The following LRP1B variants were observed in gnomAD, a reference collection of about 807,000 sequenced individuals.
LRP1B encodes LDL receptor related protein 1B, also known as low-density lipoprotein receptor-related protein 1B.
A neutral mutation model predicts 556.6 loss-of-function variants in LRP1B; 217 were observed. That is an observed-to-expected ratio of 0.39 (90% confidence interval 0.35 to 0.44). The LOEUF is 0.44. Among genes scored for constraint, LRP1B ranks in the 20% least tolerant of loss-of-function variants. LRP1B has a pLI of 1.00. For synonymous variants in LRP1B, 2,047 were observed against 1,865.8 expected (o/e 1.10, Z -2.50); for missense variants, 5,053 against 5,620.8 (o/e 0.90, Z 3.23).
chr2:140,756,847 T>C (rs1688757143), intron 35 of LRP1B, among the ~76,000 whole-genome samples: 1 of 152,064 alleles, frequency 6.6e-6, no homozygotes, highest in Admixed American at 6.6e-5. Context: ...AAAACTTTTG[T>C]GATTCAAAAG....
chr2:142,102,301 A>G (rs1286168743), intron 1 of LRP1B, among the ~76,000 whole-genome samples: 1 of 151,864 alleles, frequency 6.6e-6, no homozygotes, highest in Non-Finnish European at 1.5e-5. Context: ...AATGCCTGAA[A>G]ATGACACAGA....
At position 141,658,941 on chromosome 2, in the gene LRP1B, T is replaced by C. The variant is rs143129382; in HGVS notation, c.205+151338A>G. ...TTATTTTAGGCAGGGTCTCGCTCTGTTGCTCAGGCTGGAATGCAGCTGTGT... is the reference window on the plus strand; with the variant it reads ...TTATTTTAGGCAGGGTCTCGCTCTGCTGCTCAGGCTGGAATGCAGCTGTGT... On this transcript the variant is annotated intron_variant, in intron 2 of 90. Transcript: ENST00000389484. Among the ~76,000 whole-genome samples the C allele has an allele frequency of 1.1e-3, 165 of 152,290 alleles. 1 individual carries two copies. Among genetic ancestry groups the C allele is most frequent in the African/African-American group, 3.8e-3 (158 of 41,556 alleles).
intron 3 of LRP1B, among the ~76,000 whole-genome samples, chr2:141,354,676 A>G (rs1045438276): frequency 6.6e-6 from 1 of 152,084 alleles, no homozygotes; most frequent in Non-Finnish European, 1.5e-5. Context: ...AAATACGTGT[A>G]CCTCGGGGCA....
At chr2:140,969,384 A>C (rs1329893366) in intron 18 of LRP1B, among the ~76,000 whole-genome samples, 4 of 152,004 alleles carry the variant, frequency 2.6e-5, no homozygotes, top group Non-Finnish European at 4.4e-5. Context: ...TGCTTGGTAG[A>C]TCTTCCTCCA....
chr2:141,245,584 A>G (rs141233826), intron 5 of LRP1B, among the ~76,000 whole-genome samples: 22 of 152,358 alleles, frequency 1.4e-4, no homozygotes, highest in Non-Finnish European at 3.1e-4. Context: ...AAGAAGCCAG[A>G]TGGAATATTC....
intron 7 of LRP1B, among the ~76,000 whole-genome samples, chr2:141,064,049 C>T (rs1457298785): frequency 6.6e-6 from 1 of 151,804 alleles, no homozygotes; most frequent in Non-Finnish European, 1.5e-5. Context: ...GAATGAGATC[C>T]CCTGACCCCT....
At chr2:140,488,945 A>C (rs1373275765) in intron 57 of LRP1B, among the ~76,000 whole-genome samples, 1 of 151,966 alleles carries the variant, frequency 6.6e-6, no homozygotes, top group Non-Finnish European at 1.5e-5. Context: ...GTCTGAGTTT[A>C]GTTTCAACAT....
chr2:141,681,292 C>CA (rs1015404471), intron 2 of LRP1B, among the ~76,000 whole-genome samples: 2 of 151,292 alleles, frequency 1.3e-5, no homozygotes, highest in African/African-American at 4.9e-5. Context: ...GAGCTCGTCT[C>CA]AAAAAATAGA....
intron 3 of LRP1B, among the ~76,000 whole-genome samples, chr2:141,415,597 C>T (rs1294083034): frequency 8.5e-5 from 13 of 152,150 alleles, no homozygotes; most frequent in Non-Finnish European, 4.4e-5. Context: ...TATTTTTCCT[C>T]CTCGACTTAC....
intron 60 of LRP1B, among the ~76,000 whole-genome samples, chr2:140,464,012 A>G (rs1180002455): frequency 1.3e-5 from 2 of 151,984 alleles, no homozygotes; most frequent in Admixed American, 6.6e-5. Context: ...CCTGGCCAAT[A>G]TGGTGAACCA....
chr2:141,644,847 C>T (rs188283978), intron 2 of LRP1B, among the ~76,000 whole-genome samples: 209 of 151,940 alleles, frequency 1.4e-3, no homozygotes, highest in African/African-American at 4.9e-3. Context: ...CCTCCTGATC[C>T]ATCTATCAGC....
chr2:140,621,478 T>C (rs1006766364), intron 41 of LRP1B, among the ~76,000 whole-genome samples: 3 of 90,556 alleles, frequency 3.3e-5, no homozygotes, highest in Non-Finnish European at 8.3e-5. Flanking sequence ...GGAAACAACA[T>C]TTTTTTTAAT....
chr2:141,622,882 T>A (rs951704945), intron 2 of LRP1B, among the ~76,000 whole-genome samples: 3 of 152,152 alleles, frequency 2.0e-5, no homozygotes, highest in African/African-American at 7.2e-5. Context: ...AGTGTTCTGA[T>A]TTTTTGGATG....
chr2:142,121,057 C>A lies in LRP1B; in HGVS notation c.82+9591G>T, dbSNP rs114539948. ...CCTTTCCCCCAAAGATTATCTTTTG[C>A]GGCTTTATTTCATGCCTATCCTCCC... On this transcript the variant is annotated intron_variant, in intron 1 of 90. Coordinates refer to ENST00000389484, the MANE Select transcript of LRP1B (RefSeq NM_018557.3). Among the ~76,000 whole-genome samples, 489 of 152,178 alleles carry A rather than the reference C, an allele frequency of 3.2e-3. 1 individual carries two copies. The highest frequency in any genetic ancestry group is 0.011 in the African/African-American group (445 of 41,542).
At chr2:141,464,679 G>A (rs1343659107) in intron 3 of LRP1B, among the ~76,000 whole-genome samples, 1 of 146,982 alleles carries the variant, frequency 6.8e-6, no homozygotes, top group South Asian at 2.1e-4. Flanking sequence ...TGATCCACCC[G>A]GCTCGGCCTC....
At chr2:140,753,363 C>A (rs1476388252) in intron 35 of LRP1B, among the ~76,000 whole-genome samples, 2 of 152,118 alleles carry the variant, frequency 1.3e-5, no homozygotes, top group Non-Finnish European at 2.9e-5. Flanking sequence ...ATTTATCTCT[C>A]TAAAAATATT....
chr2:141,108,080 C>T (rs1278007861), intron 7 of LRP1B, among the ~76,000 whole-genome samples: 1 of 152,042 alleles, frequency 6.6e-6, no homozygotes, highest in Non-Finnish European at 1.5e-5. Context: ...GACTATGCCT[C>T]AGAAAGCTAG....
intron 83 of LRP1B, among the ~76,000 whole-genome samples, chr2:140,312,858 GTACTTT>G (rs1449604393): frequency 7.9e-5 from 12 of 151,836 alleles, no homozygotes; most frequent in African/African-American, 2.9e-4. Context: ...TCAACGATGT[GTACTTT>G]TAATTAGTGA....
At chr2:141,593,315 G>A (rs969279093) in intron 2 of LRP1B, among the ~76,000 whole-genome samples, 4 of 152,184 alleles carry the variant, frequency 2.6e-5, no homozygotes, top group East Asian at 1.9e-4. Context: ...GTACCCCCTC[G>A]ACATATATAT....
Sources: gnomAD v4.1 joint callset for allele counts (sites outside exome capture counted in the v4.1 genomes callset) on GRCh38, gnomAD v4.1.1 for gene constraint, MANE v1.5 for transcripts, NCBI Gene and HGNC (gene_info 2026-07-23, HGNC 2026-07-21) for gene names.